AAAS: variants seen among roughly 807,000 people sequenced by gnomAD.
The protein encoded by AAAS is aladin.
AAAS carries 60 observed loss-of-function variants against 75.6 expected under a neutral mutation model. The observed-to-expected ratio is 0.79, with a 90% CI of 0.64 to 0.98. The LOEUF is 0.98. Among genes scored for constraint, AAAS ranks in the 50% least tolerant of loss-of-function variants. The pLI is 0.00. For missense variants in AAAS, 658 were observed against 686.9 expected, an observed-to-expected ratio of 0.96 and a Z score of 0.47; for synonymous variants, 271 against 265.0, an observed-to-expected ratio of 1.02 and a Z score of -0.22.
Position 53,314,428 on chromosome 12 carries a change from AG to A in AAAS, c.558del (p.Ser187ProfsTer2), listed in dbSNP as rs894165422. On this transcript the variant is annotated frameshift_variant, in exon 7 of 16. Coordinates refer to ENST00000209873, the MANE Select transcript of AAAS (RefSeq NM_015665.6). LOFTEE classifies it high-confidence loss of function. ...TTTCGCTGCAGCCGGTGCTTCAGGG[AG>A]GGGACTATGGTGCTAGGGTGAAGGG... ...RVYNASSTIV[P>X]SLKHRLQRNV... The A allele has an allele frequency of 4.3e-6, 7 of 1,613,932 alleles. No homozygotes were observed. The highest frequency in any genetic ancestry group is 1.3e-5 in the African/African-American group (1 of 74,890).
chr12:53,315,894 G>A, intron 2 of AAAS, 112 bp from the exon 3 acceptor site: 1 of 1,187,372 alleles, frequency 8.4e-7, no homozygotes, highest in South Asian at 1.3e-5. Flanking sequence ...CACATTTAAT[G>A]AGTGCCAACT....
Position 53,308,993 on chromosome 12 carries a change from A to T in AAAS, c.963T>A (p.Cys321Ter). ...FRVWEAQMWTCERWPTLSGRC... is the reference protein window; with the variant it reads ...FRVWEAQMWT ...GCCCTGATAGAGTAGGCCACCTCTC[A>T]CAAGTCCACATCTGGGCCTCCCAGA... Residue 321 changes from cysteine to a stop codon, truncating the protein, a stop_gained, in exon 10 of 16, where the codon TGT becomes TGA. Coordinates refer to ENST00000209873, the MANE Select transcript of AAAS (RefSeq NM_015665.6). LOFTEE classifies it high-confidence loss of function. The T allele has an allele frequency of 6.2e-7, 1 of 1,614,178 alleles. No individual in the cohort carries two copies. Among genetic ancestry groups the T allele is most frequent in the Non-Finnish European group, 8.5e-7 (1 of 1,180,014 alleles).
At position 53,315,347 on chromosome 12, in the gene AAAS, G is replaced by T. The variant is rs780649615; in HGVS notation, c.387C>A (p.Phe129Leu). The T allele has an allele frequency of 9.3e-6, 15 of 1,614,060 alleles. No individual in the cohort carries two copies. Among genetic ancestry groups the T allele is most frequent in the African/African-American group, 2.7e-5 (2 of 74,934 alleles). ...RWASSLHGSLFPHLSLRSEDL... is the reference protein window; with the variant it reads ...RWASSLHGSLLPHLSLRSEDL... Reference sequence around the variant, plus strand: ...AAGCCAAACTTACAGACAGATGGGGGAACAGGGACCCATGGAGGGAAGAGG... The same window carrying T: ...AAGCCAAACTTACAGACAGATGGGGTAACAGGGACCCATGGAGGGAAGAGG... The change falls in exon 4 of 16, where the codon TTC becomes TTA. Residue 129 changes from phenylalanine to leucine, a missense_variant. Physicochemically the swap from Phe to Leu is conservative, Grantham distance 22. Coordinates refer to ENST00000209873, the MANE Select transcript of AAAS (RefSeq NM_015665.6).
chr12:53,321,156 G>A, intron 1 of AAAS, 187 bp downstream of exon 1: 1 of 862,042 alleles, frequency 1.2e-6, no homozygotes, highest in Non-Finnish European at 1.7e-6. Context: ...CTCCTTAACC[G>A]TTCCCCCGTT....
rs1944438870 is a variant in AAAS, at chr12:53,314,807, G to A, written c.489C>T (p.Thr163=). ...CLRVFAWHPH[T]NKFAVALLDD... ...CTAGCAGGGCCACTGCAAACTTGTT[G>A]GTGTGGGGGTGCCATGCAAAGACAC... Residue 163 remains threonine (T), a synonymous_variant, in exon 6 of 16, where the codon ACC becomes ACT. Coordinates refer to ENST00000209873, the MANE Select transcript of AAAS (RefSeq NM_015665.6). 1.2e-6 allele frequency: 2 copies of A among 1,613,940 alleles called. No individual in the cohort carries two copies. Among genetic ancestry groups the A allele is most frequent in the South Asian group, 1.1e-5 (1 of 91,028 alleles).
intron 7 of AAAS, among the ~76,000 whole-genome samples, chr12:53,312,346 C>A (rs534234801): frequency 6.6e-6 from 1 of 152,108 alleles, no homozygotes; most frequent in African/African-American, 2.4e-5. Context: ...GAAGCCAAGG[C>A]GGGCGGATCA....
intron 1 of AAAS, 137 bp from the exon 2 acceptor site, chr12:53,320,829 CTT>C: frequency 1.0e-6 from 1 of 1,004,940 alleles, no homozygotes; most frequent in African/African-American, 1.6e-5. Flanking sequence ...AAAGCTAACA[CTT>C]GTGAGAATGG....
Position 53,310,421 on chromosome 12 carries a change from G to T in AAAS, c.690-700C>A, listed in dbSNP as rs375069976. Among the ~76,000 whole-genome samples the T allele has an allele frequency of 3.9e-5, 6 of 152,228 alleles. No individual in the cohort carries two copies. The East Asian group carries it at 5.8e-4, about 15-fold the overall frequency. ...AAAAGTACAAAAAAATTAGCTGGGC[G>T]TGGTGGTGTTCGCCTGTAGTCCCAG... On this transcript the variant is annotated intron_variant, in intron 7 of 15. Coordinates refer to ENST00000209873, the MANE Select transcript of AAAS (RefSeq NM_015665.6).
intron 5 of AAAS, 118 bp from the exon 6 acceptor site, chr12:53,314,967 G>A (rs1944440917): frequency 2.7e-6 from 4 of 1,477,738 alleles, no homozygotes; most frequent in Non-Finnish European, 3.8e-6. Context: ...TTCTTTTTTG[G>A]GGGAACAGGA....
chr12:53,321,217 C>T (rs139859813), intron 1 of AAAS, 126 bp downstream of exon 1: 3 of 1,458,448 alleles, frequency 2.1e-6, no homozygotes, highest in Non-Finnish European at 2.8e-6. Context: ...AGCCTCCTGC[C>T]GGGGCCAAGC....
intron 2 of AAAS, among the ~76,000 whole-genome samples, chr12:53,317,414 A>G (rs1944480568): frequency 6.6e-6 from 1 of 151,914 alleles, no homozygotes. Context: ...AAAATTAGCC[A>G]GGTGTGGTGG....
chr12:53,308,777 G>C lies in AAAS; in HGVS notation c.1035C>G (p.Phe345Leu). 6.2e-7 allele frequency: 1 copy of C among 1,614,112 alleles called. No homozygotes were observed. The highest frequency in any genetic ancestry group is 8.5e-7 in the Non-Finnish European group (1 of 1,180,048). ...CWSPDGSRLL[F>L]TVLGEPLIYS... Reference sequence around the variant, plus strand: ...AAATCAGTGGCTCTCCCAATACAGTGAACAGCAGTCGGCTGCCATCTGGGC... The same window carrying C: ...AAATCAGTGGCTCTCCCAATACAGTCAACAGCAGTCGGCTGCCATCTGGGC... Residue 345 changes from phenylalanine to leucine, a missense_variant, in exon 11 of 16, where the codon TTC (phenylalanine) becomes TTG (leucine). By Grantham distance (22) the Phe-to-Leu change is conservative (BLOSUM62 0). Coordinates refer to ENST00000209873, the MANE Select transcript of AAAS (RefSeq NM_015665.6).
At position 53,316,543 on chromosome 12, in the gene AAAS, C is replaced by T. The variant is rs112602339; in HGVS notation, c.252-761G>A. ...CAGCACTTTGGGAGGCCAAGGTGGGCGGATCACGAGGTCAGGAGATCAAGA... is the reference window on the plus strand; with the variant it reads ...CAGCACTTTGGGAGGCCAAGGTGGGTGGATCACGAGGTCAGGAGATCAAGA... On this transcript the variant is annotated intron_variant, in intron 2 of 15. Transcript: ENST00000209873. Among the ~76,000 whole-genome samples, 1,187 of 143,098 alleles carry T rather than the reference C, an allele frequency of 8.3e-3. 19 individuals are homozygous for T. The highest frequency in any genetic ancestry group is 0.029 in the African/African-American group (1,112 of 38,470). The allele number at this position is 143,098 out of a possible 152,430, so 93.9% of individuals were successfully genotyped here. A position where few individuals can be genotyped will look rare whatever the true frequency, so the allele number is the denominator to read the frequency against.
At position 53,321,423 on chromosome 12, in the gene AAAS, G is replaced by A. The variant is rs121918549; in HGVS notation, c.43C>T (p.Gln15Ter). 1.2e-6 allele frequency: 2 copies of A among 1,614,112 alleles called. No individual in the cohort carries two copies. The highest frequency in any genetic ancestry group is 2.2e-5 in the South Asian group (2 of 91,090). Residue 15 changes from glutamine (Q) to a stop codon, truncating the protein, a stop_gained, in exon 1 of 16, where the codon CAA becomes TAA. Coordinates refer to ENST00000209873, the MANE Select transcript of AAAS (RefSeq NM_015665.6). LOFTEE classifies it high-confidence loss of function. Reference protein sequence around the residue: ...GLFPPPPPRGQVTLYEHNNEL... With the variant: ...GLFPPPPPRG ...TTATTGTGCTCATATAGGGTGACTTGACCCCGAGGCGGTGGAGGAGGGAAC... is the reference window on the plus strand; with the variant it reads ...TTATTGTGCTCATATAGGGTGACTTAACCCCGAGGCGGTGGAGGAGGGAAC...
intron 1 of AAAS, chr12:53,321,119 T>G: frequency 1.5e-6 from 1 of 657,000 alleles, no homozygotes; most frequent in Non-Finnish European, 2.5e-6. Flanking sequence ...CCTCATTCTC[T>G]CCATTCCCTC....
Position 53,308,129 on chromosome 12 carries a change from C to G in AAAS, c.1254G>C (p.Lys418Asn), listed in dbSNP as rs957579659. The G allele has an allele frequency of 1.9e-6, 3 of 1,614,192 alleles. No homozygotes were observed. Among genetic ancestry groups the G allele is most frequent in the Non-Finnish European group, 2.5e-6 (3 of 1,180,030 alleles). ...CTGGTTTACCATCCTGTACCCTTGG[C>G]TTTCCTGTAAGAAATGGATCCAGGG... The part of the protein sequence containing the change: ...GERLAVLMKG[K>N]PRVQDGKPVI... The change falls in exon 14 of 16, where the codon AAG becomes AAC. Residue 418 changes from lysine to asparagine, a missense_variant. Physicochemically the swap from Lys to Asn is moderately conservative, Grantham distance 94. Transcript: ENST00000209873.
At chr12:53,310,710 A>T (rs1050356893) in intron 7 of AAAS, among the ~76,000 whole-genome samples, 1 of 152,142 alleles carries the variant, frequency 6.6e-6, no homozygotes, top group Non-Finnish European at 1.5e-5. Flanking sequence ...AATTAATGCC[A>T]CCTCTCTTTC....
At chr12:53,311,919 C>G (rs10783567) in intron 7 of AAAS, among the ~76,000 whole-genome samples, 1 of 151,994 alleles carries the variant, frequency 6.6e-6, no homozygotes. Flanking sequence ...TCCATCCCCC[C>G]CCAAAAAAAA....
chr12:53,317,891 G>C (rs1944488239), intron 2 of AAAS, among the ~76,000 whole-genome samples: 1 of 152,200 alleles, frequency 6.6e-6, no homozygotes, highest in Admixed American at 6.5e-5. Context: ...GTAAAGGAAA[G>C]AGCAATACAA....
Sources: allele counts gnomAD v4.1 joint callset (sites outside exome capture counted in the v4.1 genomes callset), GRCh38; gene constraint gnomAD v4.1.1; transcripts MANE v1.5; gene names NCBI Gene and HGNC (gene_info 2026-07-23, HGNC 2026-07-21).